Variants in ATOSA observed in about 807,000 individuals in gnomAD.
ATOSA encodes the protein atos homolog A, also known as atos homolog protein A.
At chr15:52,608,899 T>C in the ATOSA span, 5 of 1,608,658 alleles carry the variant, frequency 3.1e-6, no homozygotes, top group South Asian at 3.4e-5. Flanking sequence ...AGACTGAAGA[T>C]TGCCAAAGAA....
the ATOSA span, chr15:52,600,101 T>G: frequency 6.9e-6 from 9 of 1,303,668 alleles, no homozygotes; most frequent in Non-Finnish European, 9.9e-6. Context: ...AATTTTCATT[T>G]AAAGAACAGT....
chr15:52,628,191 T>G, the ATOSA span, among the ~76,000 whole-genome samples: 1 of 152,166 alleles, frequency 6.6e-6, no homozygotes, highest in African/African-American at 2.4e-5. Context: ...CCACACACAC[T>G]CTTAAGACGA....
the ATOSA span, among the ~76,000 whole-genome samples, chr15:52,590,283 T>A: frequency 1.3e-5 from 2 of 152,190 alleles, no homozygotes; most frequent in Non-Finnish European, 2.9e-5. Context: ...GAAAGTCTTA[T>A]TAGAAATTTG....
At chr15:52,661,351 A>C in the ATOSA span, among the ~76,000 whole-genome samples, 1 of 152,328 alleles carries the variant, frequency 6.6e-6, no homozygotes, top group African/African-American at 2.4e-5. Flanking sequence ...TGGTGCCAGA[A>C]CCTAGAGGCA....
At chr15:52,601,762 GTTAA>G in the ATOSA span, among the ~76,000 whole-genome samples, 39,593 of 151,396 alleles carry the variant, frequency 0.26, 6,995 homozygotes, top group East Asian at 0.85. Context: ...AGACCTAAAT[GTTAA>G]TTAAAGGTAA....
chr15:52,639,951 G>T, the ATOSA span, among the ~76,000 whole-genome samples: 1 of 151,464 alleles, frequency 6.6e-6, no homozygotes, highest in Admixed American at 6.6e-5. Context: ...GTAGAGACGG[G>T]GTTTCACCAT....
At chr15:52,678,195 G>T in the ATOSA span, 1 of 755,960 alleles carries the variant, frequency 1.3e-6, no homozygotes, top group Non-Finnish European at 2.2e-6. Context: ...CTACTGTTAA[G>T]TTAGGCCTCT....
the ATOSA span, among the ~76,000 whole-genome samples, chr15:52,639,492 T>G: frequency 1.3e-5 from 2 of 152,246 alleles, no homozygotes; most frequent in Non-Finnish European, 2.9e-5. Context: ...ATATATTGTA[T>G]AATGACGGCT....
At chr15:52,698,448 A>G in the ATOSA span, among the ~76,000 whole-genome samples, 2 of 152,214 alleles carry the variant, frequency 1.3e-5, no homozygotes, top group African/African-American at 4.8e-5. Flanking sequence ...TTTGTACATT[A>G]TATTCATAGC....
At chr15:52,647,458 T>C in the ATOSA span, among the ~76,000 whole-genome samples, 1 of 152,244 alleles carries the variant, frequency 6.6e-6, no homozygotes, top group Non-Finnish European at 1.5e-5. Context: ...ATTAGATTTT[T>C]AGTCTTAAAT....
chr15:52,685,724 T>C, the ATOSA span, among the ~76,000 whole-genome samples: 1 of 152,090 alleles, frequency 6.6e-6, no homozygotes, highest in Non-Finnish European at 1.5e-5. Flanking sequence ...CATTTGTTTT[T>C]TAGAGACAGG....
At chr15:52,684,436 C>T in the ATOSA span, among the ~76,000 whole-genome samples, 1 of 152,142 alleles carries the variant, frequency 6.6e-6, no homozygotes, top group Non-Finnish European at 1.5e-5. Context: ...ACTTAGGAGG[C>T]TGAAGCAGGA....
the ATOSA span, among the ~76,000 whole-genome samples, chr15:52,699,428 A>G: frequency 5.3e-4 from 81 of 151,744 alleles, no homozygotes; most frequent in African/African-American, 1.9e-3. Flanking sequence ...TCCTGGTCCA[A>G]TCTCCAAATC....
At chr15:52,652,079 A>G in the ATOSA span, 1 of 1,442,206 alleles carries the variant, frequency 6.9e-7, no homozygotes, top group Non-Finnish European at 9.1e-7. Context: ...GAGCGCACAT[A>G]GCAACAGCAC....
At chr15:52,673,524 CTGTGAGGATTAAATGAGTTATATA>C in the ATOSA span, among the ~76,000 whole-genome samples, 2 of 152,164 alleles carry the variant, frequency 1.3e-5, no homozygotes, top group African/African-American at 4.8e-5. Context: ...CCTTGAGTAT[CTGTGAGGATTAAATGAGTTATATA>C]TGTGAAGTAC....
chr15:52,706,565 G>A, the ATOSA span, among the ~76,000 whole-genome samples: 17 of 152,082 alleles, frequency 1.1e-4, no homozygotes, highest in African/African-American at 4.1e-4. Context: ...AAAAGAAAAT[G>A]TTCCAAAAAA....
the ATOSA span, chr15:52,677,884 CAG>C: frequency 7.4e-7 from 1 of 1,355,368 alleles, no homozygotes; most frequent in East Asian, 2.3e-5. Context: ...GTCACAAAAA[CAG>C]ATAATCACAT....
chr15:52,582,406 C>A, the ATOSA span: 1 of 1,016,394 alleles, frequency 9.8e-7, no homozygotes, highest in Non-Finnish European at 1.4e-6. Context: ...AATCTTGCTA[C>A]AATATTAGGT....
chr15:52,633,918 T>C, the ATOSA span, among the ~76,000 whole-genome samples: 1 of 152,058 alleles, frequency 6.6e-6, no homozygotes, highest in Non-Finnish European at 1.5e-5. Context: ...ATAAAATGCA[T>C]AACAATAGCA....
Sources: gnomAD v4.1 joint callset for allele counts (sites outside exome capture counted in the v4.1 genomes callset) on GRCh38, gnomAD v4.1.1 for gene constraint, MANE v1.5 for transcripts, NCBI Gene and HGNC (gene_info 2026-07-23, HGNC 2026-07-21) for gene names.